CEP152: variants seen among roughly 807,000 people sequenced by gnomAD.
CEP152 encodes centrosomal protein 152.
CEP152 carries 132 observed loss-of-function variants against 188.9 expected under a neutral mutation model. The ratio of observed to expected loss-of-function variants is 0.70; its 90% CI spans 0.61 to 0.81. CEP152 has a LOEUF of 0.81. CEP152 is among the 30% of genes least tolerant of loss of function. CEP152 has a pLI of 0.00. For synonymous variants in CEP152, 649 were observed against 666.6 expected, an observed-to-expected ratio of 0.97 and a Z score of 0.41; for missense variants, 1,914 against 1,969.8, an observed-to-expected ratio of 0.97 and a Z score of 0.54.
At chr15:48,765,932 G>T (rs374966122) in intron 17 of CEP152, among the ~76,000 whole-genome samples, 1 of 152,076 alleles carries the variant, frequency 6.6e-6, no homozygotes, top group East Asian at 1.9e-4. Context: ...GATTACAGGC[G>T]TGAGCCACTG....
chr15:48,783,836 TTC>T (rs1395401744), intron 10 of CEP152, 135 bp downstream of exon 10: 1 of 499,238 alleles, frequency 2.0e-6, no homozygotes, highest in African/African-American at 2.0e-5. Flanking sequence ...AAATATATAT[TTC>T]TTTTTTTTAA....
At position 48,744,291 on chromosome 15, in the gene CEP152, C is replaced by A. The variant is rs1893245580; in HGVS notation, c.3784G>T (p.Ala1262Ser). ...ENACLPCSGG[A>S]LEELRGQYIK... Reference sequence around the variant, plus strand: ...TACTGCCCACGAAGTTCTTCCAAGGCTCCCCCACTGCATGGCAGGCAAGCA... The same window carrying A: ...TACTGCCCACGAAGTTCTTCCAAGGATCCCCCACTGCATGGCAGGCAAGCA... The change falls in exon 24 of 27, where the codon GCC (alanine) becomes TCC (serine). Residue 1262 changes from alanine to serine, a missense_variant. By Grantham distance (99) the Ala-to-Ser change is moderately conservative. Coordinates refer to ENST00000380950, the MANE Select transcript of CEP152 (RefSeq NM_001194998.2). 12 of 1,613,918 alleles carry A rather than the reference C, an allele frequency of 7.4e-6. No homozygotes were observed. Among genetic ancestry groups the A allele is most frequent in the Non-Finnish European group, 9.3e-6 (11 of 1,179,990 alleles).
At chr15:48,797,618 C>T (rs370752655) in intron 4 of CEP152, 39 bp from the exon 5 acceptor site, 65 of 1,613,904 alleles carry the variant, frequency 4.0e-5, no homozygotes, top group Non-Finnish European at 5.3e-5. Context: ...CACGAAGATC[C>T]AGTCCCACCC....
Position 48,781,262 on chromosome 15 carries a change from T to C in CEP152, c.1511A>G (p.Glu504Gly). 2 of 1,613,478 alleles carry C rather than the reference T, an allele frequency of 1.2e-6. No homozygotes were observed. Among genetic ancestry groups the C allele is most frequent in the Non-Finnish European group, 1.7e-6 (2 of 1,179,606 alleles). The change falls in exon 12 of 27, where the codon GAA (glutamate) becomes GGA (glycine). Residue 504 changes from glutamate to glycine, a missense_variant. By Grantham distance (98) the Glu-to-Gly change is moderately conservative. Coordinates refer to ENST00000380950, the MANE Select transcript of CEP152 (RefSeq NM_001194998.2). Reference protein sequence around the residue: ...PSDSEGELNIELTESYVDLGI... With the variant: ...PSDSEGELNIGLTESYVDLGI... ...CAAATCCACATACGATTCAGTGAGTTCTATATTTAATTCTCCTTCTGAGTC... is the reference window on the plus strand; with the variant it reads ...CAAATCCACATACGATTCAGTGAGTCCTATATTTAATTCTCCTTCTGAGTC...
At chr15:48,784,665 T>C (rs564102950) in intron 9 of CEP152, among the ~76,000 whole-genome samples, 2 of 152,216 alleles carry the variant, frequency 1.3e-5, no homozygotes, top group Admixed American at 6.5e-5. Flanking sequence ...TTCTTTCTTA[T>C]CTTTCTCCAC....
intron 2 of CEP152, among the ~76,000 whole-genome samples, chr15:48,732,666 T>TTA (rs397960568): frequency 6.7e-6 from 1 of 149,928 alleles, no homozygotes; most frequent in Non-Finnish European, 1.5e-5. Flanking sequence ...TTTTTTTTTT[T>TTA]AGAGTAAAGG....
chr15:48,762,832 C>T (rs767165779), intron 17 of CEP152, among the ~76,000 whole-genome samples, 160 bp from the exon 18 acceptor site: 1 of 152,170 alleles, frequency 6.6e-6, no homozygotes, highest in Admixed American at 6.5e-5. Context: ...AATTAAAATA[C>T]ACTCTCAAGT....
intron 18 of CEP152, among the ~76,000 whole-genome samples, chr15:48,760,973 T>C (rs1894641164): frequency 6.6e-6 from 1 of 152,250 alleles, no homozygotes; most frequent in East Asian, 1.9e-4. Context: ...AAGTGCTAAA[T>C]ATGTCAATGT....
chr15:48,759,913 TTAAA>T (rs1162077804), intron 19 of CEP152, among the ~76,000 whole-genome samples: 2 of 152,226 alleles, frequency 1.3e-5, no homozygotes, highest in East Asian at 3.8e-4. Context: ...ATGGGAGTTA[TTAAA>T]TAGTTTCTAA....
chr15:48,805,552 T>TA lies in CEP152; in HGVS notation c.87+10dup, dbSNP rs1555429164. On this transcript the variant is annotated intron_variant, in intron 2 of 26. Transcript: ENST00000380950. Reference sequence around the variant, plus strand: ...TAGTGTCTCTTTTTTTTTTTTTTTTTAACAACTTACCTCTTTCTCTCTTTC... The same window carrying TA: ...TAGTGTCTCTTTTTTTTTTTTTTTTTAAACAACTTACCTCTTTCTCTCTTTC... 1.9e-6 allele frequency: 3 copies of TA among 1,587,466 alleles called. No homozygotes were observed. The highest frequency in any genetic ancestry group is 1.1e-5 in the South Asian group (1 of 88,024).
At chr15:48,807,936 C>T (rs1898092380) in intron 1 of CEP152, among the ~76,000 whole-genome samples, 2 of 151,946 alleles carry the variant, frequency 1.3e-5, no homozygotes, top group African/African-American at 4.8e-5. Context: ...AAGTATATAT[C>T]TTTAATGTTA....
chr15:48,759,093 T>C (rs1047180422), intron 19 of CEP152, among the ~76,000 whole-genome samples: 7 of 152,182 alleles, frequency 4.6e-5, no homozygotes, highest in Admixed American at 1.3e-4. Context: ...ATATAGATTA[T>C]AATTTATCAT....
intron 2 of CEP152, among the ~76,000 whole-genome samples, chr15:48,800,024 G>A (rs775513423): frequency 2.0e-5 from 3 of 152,138 alleles, no homozygotes; most frequent in Non-Finnish European, 4.4e-5. Flanking sequence ...AAATTCAGGG[G>A]CGCCTTGACA....
intron 19 of CEP152, among the ~76,000 whole-genome samples, chr15:48,759,395 T>G (rs1894515561): frequency 6.6e-6 from 1 of 152,212 alleles, no homozygotes; most frequent in South Asian, 2.1e-4. Flanking sequence ...AATTCCTCAT[T>G]CCCTTGTTTT....
intron 22 of CEP152, among the ~76,000 whole-genome samples, chr15:48,746,475 T>G (rs1893436417): frequency 6.6e-6 from 1 of 152,194 alleles, no homozygotes; most frequent in Admixed American, 6.5e-5. Flanking sequence ...TTTACTCTCC[T>G]GGCCTCTACT....
In CEP152 at chr15:48,756,216, T is replaced by G; in HGVS notation, c.3032A>C (p.Gln1011Pro). The G allele has an allele frequency of 6.2e-7, 1 of 1,612,918 alleles. No individual in the cohort carries two copies. The highest frequency in any genetic ancestry group is 8.5e-7 in the Non-Finnish European group (1 of 1,179,298). The change falls in exon 20 of 27, where the codon CAG becomes CCG. Residue 1011 changes from glutamine (Q) to proline (P), a missense_variant. Coordinates refer to ENST00000380950, the MANE Select transcript of CEP152 (RefSeq NM_001194998.2). ...FMKQKTELLLQKETELQTCLD... is the reference protein window; with the variant it reads ...FMKQKTELLLPKETELQTCLD... ...ACAAGTTTGTAATTCTGTCTCCTTC[T>G]GAAGAAGTAGTTCAGTTTTTTGTTT...
intron 13 of CEP152, among the ~76,000 whole-genome samples, chr15:48,771,226 G>A (rs1282318920): frequency 6.6e-6 from 1 of 152,022 alleles, no homozygotes. Context: ...TTACTTATTA[G>A]TCATGTGTTT....
In CEP152 at chr15:48,782,218, T is replaced by G. The variant is rs778449348; in HGVS notation, c.1334A>C (p.Glu445Ala). The G allele has an allele frequency of 1.2e-6, 2 of 1,613,824 alleles. No homozygotes were observed. Among genetic ancestry groups the G allele is most frequent in the Non-Finnish European group, 1.7e-6 (2 of 1,179,792 alleles). ...AHLLQSGSVQEVAQLQFQLQQ... is the reference protein window; with the variant it reads ...AHLLQSGSVQAVAQLQFQLQQ... ...CAGCTGGAACTGTAGCTGAGCCACCTCTTGTACTGACCCTGCAGAGGAAAG... is the reference window on the plus strand; with the variant it reads ...CAGCTGGAACTGTAGCTGAGCCACCGCTTGTACTGACCCTGCAGAGGAAAG... Residue 445 changes from glutamate to alanine, a missense_variant, in exon 11 of 27, where the codon GAG (glutamate) becomes GCG (alanine). Physicochemically the swap from Glu to Ala is moderately radical, Grantham distance 107. Transcript: ENST00000380950.
chr15:48,784,195 A>C (rs557264114), intron 9 of CEP152, 75 bp from the exon 10 acceptor site: 15 of 1,403,384 alleles, frequency 1.1e-5, no homozygotes, highest in African/African-American at 1.4e-5. Flanking sequence ...ATTATGATAC[A>C]TAATTAGATT....
Sources: allele counts gnomAD v4.1 joint callset (sites outside exome capture counted in the v4.1 genomes callset), GRCh38; gene constraint gnomAD v4.1.1; transcripts MANE v1.5; gene names NCBI Gene and HGNC (gene_info 2026-07-23, HGNC 2026-07-21).